PDIK1L: variants seen among roughly 807,000 people sequenced by gnomAD.
PDIK1L encodes serine/threonine-protein kinase PDIK1L.
In PDIK1L, 9 loss-of-function variants were observed where a neutral mutation model predicts 27.1. That is an observed-to-expected ratio of 0.33 (90% CI 0.20 to 0.58). PDIK1L has a LOEUF of 0.58. Ranked by LOEUF, PDIK1L falls within the 20% of genes least tolerant of loss-of-function variation. The probability of loss-of-function intolerance (pLI) is 0.86; values close to 1 mark genes in which losing one functional copy is unlikely to be tolerated. For synonymous variants in PDIK1L, 130 were observed against 141.7 expected (o/e 0.92, Z 0.59); for missense variants, 216 against 413.2 (o/e 0.52, Z 4.14).
chr1:26,114,325 C>G lies in PDIK1L; in HGVS notation c.17C>G (p.Pro6Arg), dbSNP rs1268562872. The G allele has an allele frequency of 6.2e-7, 1 of 1,609,998 alleles. No individual in the cohort carries two copies. Among genetic ancestry groups the G allele is most frequent in the East Asian group, 2.2e-5 (1 of 44,798 alleles). The change falls in exon 2 of 3, where the codon CCA becomes CGA. Residue 6 changes from proline (P) to arginine (R), a missense_variant. Pro to Arg is a moderately radical substitution (Grantham distance 103). Coordinates refer to ENST00000374269, the MANE Select transcript of PDIK1L (RefSeq NM_152835.5). The surrounding 1 kb of genome is among the most constrained non-coding windows in gnomAD (Gnocchi z 4.8). ...ACCTTGAAGATGGTGAGTAGCCAGC[C>G]AAAGTACGATCTAATACGGGAGGTA... MVSSQ[P>R]KYDLIREVGR...
intron 1 of PDIK1L, among the ~76,000 whole-genome samples, chr1:26,113,722 A>T (rs773777452): frequency 5.3e-5 from 8 of 152,046 alleles, no homozygotes; most frequent in Non-Finnish European, 1.2e-4. Flanking sequence ...TCTAACTGTG[A>T]GGGGGTTTTG....
At position 26,123,519 on chromosome 1, in the gene PDIK1L, A is replaced by G. The variant is rs2088028385; in HGVS notation, c.*942A>G. On this transcript the variant is annotated 3_prime_UTR_variant, in exon 3 of 3. Transcript: ENST00000374269. ...ATGTGTGAACTGTAATACTTGATAC[A>G]TTTTTGGTTTGAAGACTTTGTCTAA... The G allele has an allele frequency of 6.6e-6, 1 of 152,634 alleles. No homozygotes were observed. The highest frequency in any genetic ancestry group is 6.5e-5 in the Admixed American group (1 of 15,272). The allele number at this position is 152,634 out of a possible 1,614,324, so 9.5% of individuals were successfully genotyped here. A position where few individuals can be genotyped will look rare whatever the true frequency, so the allele number is the denominator to read the frequency against.
At chr1:26,115,618 G>A (rs2087863185) in intron 2 of PDIK1L, among the ~76,000 whole-genome samples, 1 of 151,784 alleles carries the variant, frequency 6.6e-6, no homozygotes, top group Non-Finnish European at 1.5e-5. Flanking sequence ...TGGCTAACAC[G>A]GTGAAACCCC....
rs2087850583 is a variant in PDIK1L, at chr1:26,114,616, T to C, written c.285+23T>C. On this transcript the variant is annotated intron_variant, in intron 2 of 2. Coordinates refer to ENST00000374269, the MANE Select transcript of PDIK1L (RefSeq NM_152835.5). The surrounding 1 kb of genome is among the most constrained non-coding windows in gnomAD (Gnocchi z 4.8). Reference sequence around the variant, plus strand: ...CAGGTATGTGTTGTTGATTGGGAAATAGAAATGATTTGAACATGGCATTGG... The same window carrying C: ...CAGGTATGTGTTGTTGATTGGGAAACAGAAATGATTTGAACATGGCATTGG... 6.2e-7 allele frequency: 1 copy of C among 1,602,896 alleles called. No individual in the cohort carries two copies.
At position 26,114,406 on chromosome 1, in the gene PDIK1L, G is replaced by A. The variant is rs1286019612; in HGVS notation, c.98G>A (p.Arg33Gln). The change falls in exon 2 of 3, where the codon CGG becomes CAG. Residue 33 changes from arginine (R) to glutamine (Q), a missense_variant. Arg to Gln is a conservative substitution (Grantham distance 43, BLOSUM62 1). This residue lies in a region of PDIK1L where 47 missense variants were observed against 47.2 expected (regional missense o/e 1.00). Coordinates refer to ENST00000374269, the MANE Select transcript of PDIK1L (RefSeq NM_152835.5). This position sits in a 1 kb window ranked among gnomAD's most constrained non-coding sequence, Gnocchi z 4.8. ...GCAGTCATCAGAAAGACCTCTGCAC[G>A]GGTGGCAGTGAAGAAAATTCGATGT... ...YEAVIRKTSA[R>Q]VAVKKIRCHA... The A allele has an allele frequency of 5.6e-6, 9 of 1,613,936 alleles. No individual in the cohort carries two copies. Among genetic ancestry groups the A allele is most frequent in the Admixed American group, 3.3e-5 (2 of 59,954 alleles).
At chr1:26,119,265 G>A (rs1009300488) in intron 2 of PDIK1L, among the ~76,000 whole-genome samples, 27 of 152,054 alleles carry the variant, frequency 1.8e-4, no homozygotes, top group Non-Finnish European at 3.1e-4. Flanking sequence ...AAAATTAGAC[G>A]GGCGTGGTGG....
chr1:26,120,381 T>C (rs1487188296), intron 2 of PDIK1L, among the ~76,000 whole-genome samples: 1 of 139,762 alleles, frequency 7.2e-6, no homozygotes, highest in African/African-American at 3.1e-5. Flanking sequence ...TTATGTGATC[T>C]GTACCTTTCT....
At position 26,124,213 on chromosome 1, in the gene PDIK1L, T is replaced by A. The variant is rs2088039070; in HGVS notation, c.*1636T>A. 6.6e-6 allele frequency: 1 copy of A among 152,520 alleles called. No homozygotes were observed. Among genetic ancestry groups the A allele is most frequent in the Non-Finnish European group, 1.5e-5 (1 of 67,998 alleles). The allele number at this position is 152,520 out of a possible 1,614,324, so 9.4% of individuals were successfully genotyped here. On this transcript the variant is annotated 3_prime_UTR_variant, in exon 3 of 3. Transcript: ENST00000374269. ...ACAAAAAAAATTGCAGTACATAAAATTTCTGGACTATGTTAGTTACTTGAT... is the reference window on the plus strand; with the variant it reads ...ACAAAAAAAATTGCAGTACATAAAAATTCTGGACTATGTTAGTTACTTGAT...
chr1:26,118,108 T>C (rs2087912562), intron 2 of PDIK1L, among the ~76,000 whole-genome samples: 1 of 151,896 alleles, frequency 6.6e-6, no homozygotes, highest in South Asian at 2.1e-4. Context: ...CATTGAGTTT[T>C]AGAGACTAAG....
At chr1:26,115,061 C>G (rs1012743656) in intron 2 of PDIK1L, among the ~76,000 whole-genome samples, 3 of 152,200 alleles carry the variant, frequency 2.0e-5, no homozygotes, top group Non-Finnish European at 4.4e-5. Flanking sequence ...CCACGCAGTT[C>G]CAGTTAATTT....
Position 26,121,833 on chromosome 1 carries a change from G to A in PDIK1L, c.286-4G>A. The A allele has an allele frequency of 1.3e-6, 2 of 1,598,908 alleles. No individual in the cohort carries two copies. The highest frequency in any genetic ancestry group is 2.2e-5 in the East Asian group (1 of 44,772). On this transcript the variant is annotated splice_region_variant and splice_polypyrimidine_tract_variant and intron_variant, in intron 2 of 2. Coordinates refer to ENST00000374269, the MANE Select transcript of PDIK1L (RefSeq NM_152835.5). ...ATTGTAATCTTTTTTCTTCCTTCTT[G>A]TAGCTTGTAGAAACTTCATTAAAAG...
intron 2 of PDIK1L, among the ~76,000 whole-genome samples, chr1:26,118,043 G>T (rs2087910460): frequency 6.7e-6 from 1 of 150,140 alleles, no homozygotes; most frequent in Admixed American, 6.6e-5. Context: ...CTGGGCAAGA[G>T]CCAGACCCTG....
Position 26,123,203 on chromosome 1 carries a change from CT to C in PDIK1L, c.*635del, listed in dbSNP as rs1320552600. On this transcript the variant is annotated 3_prime_UTR_variant, in exon 3 of 3. Coordinates refer to ENST00000374269, the MANE Select transcript of PDIK1L (RefSeq NM_152835.5). ...TTTTTTTTTTTTTTGTAATATACAGCTTTTTTTTTAAGGCATCATTTTCGAG... is the reference window on the plus strand; with the variant it reads ...TTTTTTTTTTTTTTGTAATATACAGCTTTTTTTTAAGGCATCATTTTCGAG... The C allele has an allele frequency of 1.2e-4, 17 of 144,612 alleles. No individual in the cohort carries two copies. The East Asian group carries it at 1.8e-3, about 15-fold the overall frequency. The allele number at this position is 144,612 out of a possible 1,614,324, so 9.0% of individuals were successfully genotyped here.
intron 2 of PDIK1L, among the ~76,000 whole-genome samples, chr1:26,116,245 T>C (rs2802327): frequency 0.017 from 2,600 of 149,834 alleles, 76 homozygotes; most frequent in African/African-American, 0.056. Context: ...CGTGGTGGCT[T>C]ACGCCTCTAA....
intron 2 of PDIK1L, among the ~76,000 whole-genome samples, chr1:26,116,444 G>A (rs2087877902): frequency 6.6e-6 from 1 of 152,172 alleles, no homozygotes. Flanking sequence ...GAACCCAGGA[G>A]GCAGAGGTTG....
rs759464876 is a variant in PDIK1L at position 26,122,340 on chromosome 1, G to A, written c.789G>A (p.Lys263=). The A allele has an allele frequency of 2.5e-6, 4 of 1,614,188 alleles. No individual in the cohort carries two copies. The highest frequency in any genetic ancestry group is 3.4e-6 in the Non-Finnish European group (4 of 1,180,020). ...RITFIDTETK[K]ELLGSYVKQG... ...CATTCATAGACACAGAGACAAAGAA[G>A]GAACTCTTGGGGAGTTATGTAAAAC... Residue 263 remains lysine, a synonymous_variant, in exon 3 of 3, where the codon AAG becomes AAA. Transcript: ENST00000374269. The surrounding 1 kb of genome is among the most constrained non-coding windows in gnomAD (Gnocchi z 5.4).
At chr1:26,120,004 T>C (rs2087950781) in intron 2 of PDIK1L, among the ~76,000 whole-genome samples, 1 of 152,194 alleles carries the variant, frequency 6.6e-6, no homozygotes, top group African/African-American at 2.4e-5. Context: ...GGGAAGCCAT[T>C]GAAGGGCCTC....
chr1:26,115,147 G>A (rs56299762), intron 2 of PDIK1L, among the ~76,000 whole-genome samples: 24,491 of 152,194 alleles, frequency 0.16, 2,134 homozygotes, highest in Middle Eastern at 0.23. Context: ...CATGCAGTTC[G>A]ATGCTCTGTG....
chr1:26,115,799 C>CA (rs57299354), intron 2 of PDIK1L, among the ~76,000 whole-genome samples: 6,850 of 119,740 alleles, frequency 0.057, 272 homozygotes, highest in East Asian at 0.13. Flanking sequence ...GAGACTCCGT[C>CA]AAAAAAAAAA....
Sources: gnomAD v4.1 joint callset for allele counts (sites outside exome capture counted in the v4.1 genomes callset) on GRCh38, gnomAD v4.1.1 for gene constraint, gnomAD v4.1.1 regional missense constraint, Gnocchi (gnomAD v3.1) non-coding constraint, MANE v1.5 for transcripts, NCBI Gene and HGNC (gene_info 2026-07-23, HGNC 2026-07-21) for gene names.